The following SMCO2 variants were observed in gnomAD, a reference collection of about 807,000 sequenced individuals.
SMCO2 encodes single-pass membrane protein with coiled-coil domains 2.
A neutral mutation model predicts 29.5 loss-of-function variants in SMCO2; 25 were observed. That is an observed-to-expected ratio of 0.85 (90% confidence interval 0.62 to 1.18). The LOEUF (loss-of-function observed/expected upper bound fraction) is 1.18. Among genes scored for constraint, SMCO2 ranks in the 50% most tolerant of loss-of-function variants. SMCO2 has a pLI of 0.00. For missense variants in SMCO2, 348 were observed against 344.5 expected, an observed-to-expected ratio of 1.01 and a Z score of -0.08; for synonymous variants, 117 against 123.3, an observed-to-expected ratio of 0.95 and a Z score of 0.34.
intron 3 of SMCO2, 27 bp from the exon 4 acceptor site, chr12:27,474,759 C>A: frequency 6.4e-7 from 1 of 1,550,954 alleles, no homozygotes; most frequent in Non-Finnish European, 8.7e-7. Flanking sequence ...TTTTGTTCTG[C>A]TTTGCTTCCA....
the SMCO2 span, among the ~76,000 whole-genome samples, chr12:27,427,639 C>G: frequency 5.1e-4 from 77 of 152,120 alleles, no homozygotes; most frequent in Non-Finnish European, 8.8e-5. Context: ...AACAGCCAGA[C>G]AGCCTGGAGC....
the SMCO2 span, among the ~76,000 whole-genome samples, chr12:27,436,471 C>G: frequency 6.6e-6 from 1 of 152,064 alleles, no homozygotes; most frequent in Non-Finnish European, 1.5e-5. Flanking sequence ...TCCTCCAGCC[C>G]TGACCATGGT....
chr12:27,489,159 A>G (rs544804537), intron 5 of SMCO2, among the ~76,000 whole-genome samples: 14 of 151,880 alleles, frequency 9.2e-5, no homozygotes, highest in Non-Finnish European at 1.8e-4. Context: ...AGCAATTCTC[A>G]TGCCTCAGCC....
chr12:27,473,098 C>A, intron 3 of SMCO2: 3 of 419,488 alleles, frequency 7.2e-6, no homozygotes, highest in Admixed American at 8.0e-5. Flanking sequence ...CCTTCCCATG[C>A]GAACAAAAAA....
At chr12:27,472,663 T>C (rs1417397172) in intron 2 of SMCO2, 113 bp from the exon 3 acceptor site, 1 of 655,918 alleles carries the variant, frequency 1.5e-6, no homozygotes, top group Non-Finnish European at 2.5e-6. Context: ...TAGCAGATGC[T>C]CCCTGGGACT....
At chr12:27,427,352 C>T in the SMCO2 span, among the ~76,000 whole-genome samples, 1 of 152,140 alleles carries the variant, frequency 6.6e-6, no homozygotes, top group African/African-American at 2.4e-5. Flanking sequence ...AGTAAGTTGT[C>T]ATGTGATGCT....
chr12:27,465,576 G>A (rs1407123965), upstream of SMCO2, among the ~76,000 whole-genome samples: 1 of 152,166 alleles, frequency 6.6e-6, no homozygotes, highest in Non-Finnish European at 1.5e-5. Flanking sequence ...GGGTGATAAC[G>A]AGACCTAAAA....
the SMCO2 span, among the ~76,000 whole-genome samples, chr12:27,453,787 A>C: frequency 6.6e-6 from 1 of 152,240 alleles, no homozygotes; most frequent in Admixed American, 6.5e-5. Flanking sequence ...TTTTCCTGTT[A>C]ACTAGCATTA....
the SMCO2 span, among the ~76,000 whole-genome samples, chr12:27,449,188 A>AC: frequency 6.6e-6 from 1 of 152,214 alleles, no homozygotes; most frequent in South Asian, 2.1e-4. Context: ...CGTGATCACA[A>AC]AAAAAACATA....
At chr12:27,447,513 C>T in the SMCO2 span, among the ~76,000 whole-genome samples, 1 of 152,010 alleles carries the variant, frequency 6.6e-6, no homozygotes. Flanking sequence ...ATCCCAGCAC[C>T]TTGGGAGGCC....
intron 7 of SMCO2, among the ~76,000 whole-genome samples, chr12:27,500,136 A>G (rs958245920): frequency 2.7e-5 from 4 of 147,164 alleles, no homozygotes; most frequent in Non-Finnish European, 5.9e-5. Flanking sequence ...ACTTATTTCA[A>G]TTTAGTTAAC....
the SMCO2 span, among the ~76,000 whole-genome samples, chr12:27,430,617 C>T: frequency 6.6e-6 from 1 of 152,116 alleles, no homozygotes. Flanking sequence ...GAACCATCTG[C>T]CCAATGCTAC....
At chr12:27,474,634 T>C (rs147141367) in intron 3 of SMCO2, among the ~76,000 whole-genome samples, 152 bp from the exon 4 acceptor site, 416 of 152,312 alleles carry the variant, frequency 2.7e-3, no homozygotes, top group African/African-American at 9.4e-3. Flanking sequence ...GAAGGGCATG[T>C]CTGCTTAGCT....
chr12:27,454,317 A>G, the SMCO2 span, among the ~76,000 whole-genome samples: 3 of 152,144 alleles, frequency 2.0e-5, no homozygotes, highest in African/African-American at 7.2e-5. Flanking sequence ...AATGTTTCCA[A>G]TGGGATTACA....
At chr12:27,502,134 T>TA in exon 8 of SMCO2, 1 of 1,499,442 alleles carries the variant, frequency 6.7e-7, no homozygotes, top group Admixed American at 2.2e-5. Flanking sequence ...ATACAGAAGT[T>TA]ACTGTCACCC....
chr12:27,499,388 T>C (rs1261197019), intron 7 of SMCO2, among the ~76,000 whole-genome samples: 2 of 150,620 alleles, frequency 1.3e-5, no homozygotes, highest in African/African-American at 2.5e-5. Flanking sequence ...GGAAAATCCA[T>C]ATAGATTCAA....
chr12:27,460,922 G>A, the SMCO2 span, among the ~76,000 whole-genome samples: 2 of 152,128 alleles, frequency 1.3e-5, no homozygotes, highest in African/African-American at 4.8e-5. Context: ...AGGAAGACAC[G>A]GTTTCTGTGC....
the SMCO2 span, among the ~76,000 whole-genome samples, chr12:27,461,793 G>A: frequency 6.6e-6 from 1 of 152,092 alleles, no homozygotes; most frequent in Non-Finnish European, 1.5e-5. Flanking sequence ...CCCCTTCCCT[G>A]GAAATCTTTC....
At chr12:27,483,884 G>A (rs2135560948) in intron 4 of SMCO2, among the ~76,000 whole-genome samples, 1 of 152,116 alleles carries the variant, frequency 6.6e-6, no homozygotes, top group South Asian at 2.1e-4. Context: ...TCTTACTTCT[G>A]TACTGAATAT....
Sources: gnomAD v4.1 joint callset for allele counts (sites outside exome capture counted in the v4.1 genomes callset) on GRCh38, gnomAD v4.1.1 for gene constraint, MANE v1.5 for transcripts, NCBI Gene and HGNC (gene_info 2026-07-23, HGNC 2026-07-21) for gene names.